The following PRKD1 variants were observed in gnomAD, a reference collection of about 807,000 sequenced individuals.
The protein encoded by PRKD1 is protein kinase D1.
A neutral mutation model predicts 95.9 loss-of-function variants in PRKD1; 63 were observed. The ratio of observed to expected loss-of-function variants is 0.66; its 90% CI spans 0.54 to 0.81. The LOEUF is 0.81. Ranked by LOEUF, PRKD1 falls within the 30% of genes least tolerant of loss-of-function variation. The pLI is 0.00. For synonymous variants in PRKD1, 425 were observed against 423.1 expected (o/e 1.00, Z -0.05); for missense variants, 1,048 against 1,165.3 (o/e 0.90, Z 1.47).
At chr14:29,841,931 T>C (rs1289686313) in intron 1 of PRKD1, among the ~76,000 whole-genome samples, 1 of 152,002 alleles carries the variant, frequency 6.6e-6, no homozygotes, top group Non-Finnish European at 1.5e-5. Flanking sequence ...ATAAATTTTT[T>C]TCTATTTTAA....
chr14:29,802,264 G>A (rs568036733), intron 1 of PRKD1, among the ~76,000 whole-genome samples: 1 of 152,186 alleles, frequency 6.6e-6, no homozygotes, highest in Non-Finnish European at 1.5e-5. Context: ...AGACCTGATA[G>A]TAAATAAGGC....
intron 1 of PRKD1, among the ~76,000 whole-genome samples, chr14:29,834,935 A>T (rs1329978153): frequency 1.3e-5 from 2 of 152,142 alleles, no homozygotes; most frequent in African/African-American, 4.8e-5. Context: ...AAATGCCATG[A>T]TTACCTCCTA....
chr14:29,725,737 T>C, intron 1 of PRKD1, 63 bp from the exon 2 acceptor site: 3 of 1,551,420 alleles, frequency 1.9e-6, no homozygotes, highest in Non-Finnish European at 2.6e-6. Context: ...TTGTTTTAAA[T>C]ATTTCAGGGC....
Position 29,638,676 on chromosome 14 carries a change from T to A in PRKD1, c.907+18A>T. On this transcript the variant is annotated intron_variant, in intron 5 of 17. Transcript: ENST00000331968. ...ATGAGGGTGATCAAAGTTCGACAGGTGACAAAATCATCCTTACCTTTGCAC... is the reference window on the plus strand; with the variant it reads ...ATGAGGGTGATCAAAGTTCGACAGGAGACAAAATCATCCTTACCTTTGCAC... 6.2e-7 allele frequency: 1 copy of A among 1,613,310 alleles called. No individual in the cohort carries two copies. Among genetic ancestry groups the A allele is most frequent in the South Asian group, 1.1e-5 (1 of 91,080 alleles).
At chr14:29,756,911 T>C (rs1400505480) in intron 1 of PRKD1, among the ~76,000 whole-genome samples, 1 of 152,242 alleles carries the variant, frequency 6.6e-6, no homozygotes, top group Non-Finnish European at 1.5e-5. Flanking sequence ...TTTCTATGTG[T>C]CTTTTACTCT....
intron 1 of PRKD1, among the ~76,000 whole-genome samples, chr14:29,762,730 G>T (rs1888054090): frequency 6.6e-6 from 1 of 152,034 alleles, no homozygotes; most frequent in Admixed American, 6.6e-5. Context: ...AAATAAACGT[G>T]TGCATACACA....
chr14:29,620,224 G>A (rs1263971616), intron 13 of PRKD1, among the ~76,000 whole-genome samples: 1 of 150,774 alleles, frequency 6.6e-6, no homozygotes, highest in African/African-American at 2.4e-5. Context: ...AAAAACCCTA[G>A]AAGAAAACCT....
Position 29,577,340 on chromosome 14 carries a change from C to CTGCA in PRKD1, c.2633_2636dup (p.Gln879HisfsTer13). ...TTGGATTGATCAGGTGTGTGGGGTA[C>CTGCA]TGCAGCCCCTGCTCGCCTGCATACT... On this transcript the variant is annotated frameshift_variant, in exon 18 of 18. Coordinates refer to ENST00000331968, the MANE Select transcript of PRKD1 (RefSeq NM_002742.3). LOFTEE classifies it high-confidence loss of function. The CTGCA allele has an allele frequency of 1.2e-6, 2 of 1,613,834 alleles. No individual in the cohort carries two copies. The highest frequency in any genetic ancestry group is 1.7e-6 in the Non-Finnish European group (2 of 1,179,810).
chr14:29,725,109 AC>A (rs1488612978), intron 2 of PRKD1, among the ~76,000 whole-genome samples: 2 of 152,128 alleles, frequency 1.3e-5, no homozygotes, highest in African/African-American at 4.8e-5. Context: ...TAGCTACTGG[AC>A]TTTTGACCTT....
intron 13 of PRKD1, among the ~76,000 whole-genome samples, chr14:29,620,752 G>A (rs1443146605): frequency 1.3e-5 from 2 of 152,166 alleles, no homozygotes; most frequent in African/African-American, 2.4e-5. Flanking sequence ...TTCAACCACT[G>A]TGGAAGTCAG....
chr14:29,697,611 T>C (rs1280482043), intron 2 of PRKD1, among the ~76,000 whole-genome samples: 1 of 152,166 alleles, frequency 6.6e-6, no homozygotes, highest in Non-Finnish European at 1.5e-5. Flanking sequence ...GCAAAATCAC[T>C]TTTTGGGAAA....
chr14:29,577,665 T>C (rs754236073), intron 17 of PRKD1, among the ~76,000 whole-genome samples: 1 of 152,156 alleles, frequency 6.6e-6, no homozygotes, highest in African/African-American at 2.4e-5. Context: ...GTTTATAAGA[T>C]AGCATGGATC....
Position 29,587,309 on chromosome 14 carries a change from TAGATA to T in PRKD1, c.2435-8954_2435-8950del, listed in dbSNP as rs570629670. On this transcript the variant is annotated intron_variant, in intron 16 of 17. Coordinates refer to ENST00000331968, the MANE Select transcript of PRKD1 (RefSeq NM_002742.3). ...TGGCACTTGGGAGCCGTACAGGGGT[TAGATA>T]AGATTTTTAACATCCTGTATTTTGA... Among the ~76,000 whole-genome samples the T allele has an allele frequency of 1.2e-4, 19 of 152,328 alleles. 1 individual carries two copies. The South Asian group carries it at 3.9e-3, about 32-fold the overall frequency.
intron 6 of PRKD1, among the ~76,000 whole-genome samples, 193 bp from the exon 7 acceptor site, chr14:29,636,687 T>A (rs1880405515): frequency 6.6e-6 from 1 of 152,134 alleles, no homozygotes; most frequent in African/African-American, 2.4e-5. Flanking sequence ...TAGGTAAACT[T>A]GTGTCATGGG....
At chr14:29,716,145 G>A (rs970365214) in intron 2 of PRKD1, among the ~76,000 whole-genome samples, 5 of 152,064 alleles carry the variant, frequency 3.3e-5, no homozygotes, top group African/African-American at 1.2e-4. Flanking sequence ...TTCTTTTCCT[G>A]TTTTCATGGG....
intron 13 of PRKD1, among the ~76,000 whole-genome samples, chr14:29,623,721 A>G (rs1879431613): frequency 6.6e-6 from 1 of 152,240 alleles, no homozygotes. Flanking sequence ...CAAAGAGGAC[A>G]TTAATAAAAT....
intron 1 of PRKD1, among the ~76,000 whole-genome samples, chr14:29,881,491 T>C (rs1893511233): frequency 1.3e-5 from 2 of 152,166 alleles, no homozygotes; most frequent in Admixed American, 6.5e-5. Flanking sequence ...ATTTCCTTAG[T>C]TTCCTGAAAT....
chr14:29,830,976 C>T (rs777285891), intron 1 of PRKD1, among the ~76,000 whole-genome samples: 2 of 152,292 alleles, frequency 1.3e-5, no homozygotes, highest in East Asian at 1.9e-4. Context: ...TGACCCACTG[C>T]ACCCAGCAGA....
intron 4 of PRKD1, chr14:29,650,642 CAAAG>C: frequency 6.6e-6 from 1 of 152,332 alleles, no homozygotes; most frequent in East Asian, 1.9e-4. Flanking sequence ...GAGCACTAGA[CAAAG>C]AAGTTGCCTT....
Sources: allele counts gnomAD v4.1 joint callset (sites outside exome capture counted in the v4.1 genomes callset), GRCh38; gene constraint gnomAD v4.1.1; transcripts MANE v1.5; gene names NCBI Gene and HGNC (gene_info 2026-07-23, HGNC 2026-07-21).